COL22A1: variants seen among roughly 807,000 people sequenced by gnomAD.
COL22A1 encodes the protein collagen alpha-1(XXII) chain.
In COL22A1, 221 loss-of-function variants were observed where a neutral mutation model predicts 248.9. That is an observed-to-expected ratio of 0.89 (90% CI 0.80 to 0.99). The LOEUF (loss-of-function observed/expected upper bound fraction) is 0.99. Among genes scored for constraint, COL22A1 ranks in the 50% least tolerant of loss-of-function variants. The probability of loss-of-function intolerance (pLI) is 0.00; values close to 1 mark genes in which losing one functional copy is unlikely to be tolerated. For synonymous variants in COL22A1, 891 were observed against 793.4 expected, an observed-to-expected ratio of 1.12 and a Z score of -2.07; for missense variants, 2,240 against 2,179.0, an observed-to-expected ratio of 1.03 and a Z score of -0.56.
intron 16 of COL22A1, among the ~76,000 whole-genome samples, chr8:138,765,161 C>T (rs1833810304): frequency 6.6e-6 from 1 of 152,164 alleles, no homozygotes; most frequent in Admixed American, 6.5e-5. Flanking sequence ...GAAGCCACTT[C>T]ACCCCAGCTG....
intron 1 of COL22A1, among the ~76,000 whole-genome samples, chr8:138,888,675 C>T (rs1824840146): frequency 6.6e-6 from 1 of 152,192 alleles, no homozygotes; most frequent in South Asian, 2.1e-4. Flanking sequence ...GGAAGAAAAG[C>T]ACTGTCCAAA....
At position 138,772,071 on chromosome 8, in the gene COL22A1, C is replaced by T. The variant is rs557290151; in HGVS notation, c.1803+3895G>A. On this transcript the variant is annotated intron_variant, in intron 16 of 64. Coordinates refer to ENST00000303045, the MANE Select transcript of COL22A1 (RefSeq NM_152888.3). ...GCCGTCTCATCCACTCCCAGGGTTT[C>T]GTCTAACCCTGAGCGTGGAGTACCC... Among the ~76,000 whole-genome samples, 4 of 150,602 alleles carry T rather than the reference C, an allele frequency of 2.7e-5. No individual in the cohort carries two copies. In the East Asian group the frequency reaches 7.7e-4, roughly 29 times the overall value.
intron 56 of COL22A1, among the ~76,000 whole-genome samples, chr8:138,612,964 A>T: frequency 7.7e-6 from 1 of 130,170 alleles, no homozygotes. Flanking sequence ...AAAAAAAAGC[A>T]GGGGCTGGGC....
intron 29 of COL22A1, among the ~76,000 whole-genome samples, chr8:138,716,024 T>C (rs556500094): frequency 6.6e-6 from 1 of 152,216 alleles, no homozygotes; most frequent in South Asian, 2.1e-4. Context: ...TCCAGAGACA[T>C]CTCCCAGCAA....
At chr8:138,715,891 A>C (rs1028532174) in intron 29 of COL22A1, among the ~76,000 whole-genome samples, 156 bp from the exon 30 acceptor site, 1 of 152,114 alleles carries the variant, frequency 6.6e-6, no homozygotes, top group Non-Finnish European at 1.5e-5. Flanking sequence ...GCCACAGTGA[A>C]GTGTAACTCA....
At chr8:138,875,262 G>A (rs532912323) in intron 3 of COL22A1, among the ~76,000 whole-genome samples, 4 of 152,128 alleles carry the variant, frequency 2.6e-5, no homozygotes, top group Non-Finnish European at 4.4e-5. Context: ...GGAGAGGCCT[G>A]GAGTCTGAAG....
chr8:138,814,474 G>A (rs1328490656), intron 7 of COL22A1, among the ~76,000 whole-genome samples: 3 of 152,144 alleles, frequency 2.0e-5, no homozygotes, highest in Non-Finnish European at 4.4e-5. Flanking sequence ...CACTCACCAT[G>A]GGGCACAGAA....
In COL22A1 at chr8:138,766,387, C is replaced by T. The variant is rs141861220; in HGVS notation, c.1804-3921G>A. On this transcript the variant is annotated intron_variant, in intron 16 of 64. Coordinates refer to ENST00000303045, the MANE Select transcript of COL22A1 (RefSeq NM_152888.3). ...ATGGATGCGTGGTCATTAGCAGGGG[C>T]GAGAGGAATGAGAGAGGATACATGA... 1.1e-3 allele frequency among the ~76,000 whole-genome samples: 168 copies of T among 148,154 alleles called. 1 individual carries two copies. Among genetic ancestry groups the T allele is most frequent in the Admixed American group, 3.7e-3 (55 of 14,746 alleles).
At chr8:138,828,929 A>C (rs114621425) in intron 5 of COL22A1, among the ~76,000 whole-genome samples, 1 of 152,030 alleles carries the variant, frequency 6.6e-6, no homozygotes, top group Non-Finnish European at 1.5e-5. Flanking sequence ...GGGGGAGCCC[A>C]ATCCTGCCCT....
chr8:138,747,905 G>C (rs1301735479), intron 22 of COL22A1, among the ~76,000 whole-genome samples: 1 of 152,164 alleles, frequency 6.6e-6, no homozygotes. Flanking sequence ...AGAGAGACTG[G>C]TTGAGAGTCC....
intron 1 of COL22A1, among the ~76,000 whole-genome samples, chr8:138,903,995 G>A (rs1814811538): frequency 6.6e-6 from 1 of 152,146 alleles, no homozygotes; most frequent in African/African-American, 2.4e-5. Flanking sequence ...ACCCAGATTT[G>A]TCAAAAGTCC....
At chr8:138,761,444 G>C (rs1389295329) in intron 17 of COL22A1, among the ~76,000 whole-genome samples, 1 of 152,094 alleles carries the variant, frequency 6.6e-6, no homozygotes, top group African/African-American at 2.4e-5. Flanking sequence ...GATATAAAAA[G>C]TATGATTCCA....
At chr8:138,604,711 G>C in intron 59 of COL22A1, 23 bp downstream of exon 59, 1 of 1,611,058 alleles carries the variant, frequency 6.2e-7, no homozygotes, top group South Asian at 1.1e-5. Flanking sequence ...TTGCCAAGGG[G>C]TGAGTGGGCG....
intron 3 of COL22A1, among the ~76,000 whole-genome samples, chr8:138,857,110 C>T (rs7000416): frequency 0.54 from 81,681 of 151,762 alleles, 22,877 homozygotes; most frequent in East Asian, 0.74. Flanking sequence ...AGGCTGGATC[C>T]GCCTGCACTC....
At chr8:138,687,758 A>C (rs7831458) in intron 37 of COL22A1, among the ~76,000 whole-genome samples, 74,821 of 152,064 alleles carry the variant, frequency 0.49, 18,960 homozygotes, top group African/African-American at 0.62. Context: ...GTTCAAAGAG[A>C]GTGTGCTTTA....
intron 63 of COL22A1, 129 bp from the exon 64 acceptor site, chr8:138,591,630 G>A: frequency 1.8e-6 from 1 of 556,990 alleles, no homozygotes; most frequent in East Asian, 3.4e-5. Context: ...ACCACCCTGA[G>A]CACACACACT....
At chr8:138,796,891 A>G in intron 11 of COL22A1, 34 bp from the exon 12 acceptor site, 2 of 1,435,232 alleles carry the variant, frequency 1.4e-6, no homozygotes, top group Middle Eastern at 1.7e-4. Context: ...GATTCACTAC[A>G]GAGCATCTCC....
At chr8:138,868,924 G>C (rs1360689633) in intron 3 of COL22A1, among the ~76,000 whole-genome samples, 1 of 152,080 alleles carries the variant, frequency 6.6e-6, no homozygotes, top group African/African-American at 2.4e-5. Context: ...AGAGATGGGG[G>C]TTTCACCATA....
intron 39 of COL22A1, among the ~76,000 whole-genome samples, chr8:138,680,172 C>A (rs1266016851): frequency 6.6e-6 from 1 of 152,184 alleles, no homozygotes; most frequent in East Asian, 1.9e-4. Flanking sequence ...GAACAGAGCA[C>A]ATGAGCTAGA....
Sources: allele counts gnomAD v4.1 joint callset (sites outside exome capture counted in the v4.1 genomes callset), GRCh38; gene constraint gnomAD v4.1.1; transcripts MANE v1.5; gene names NCBI Gene and HGNC (gene_info 2026-07-23, HGNC 2026-07-21).